The following ARHGAP32 variants were observed in gnomAD, a reference collection of about 807,000 sequenced individuals.
ARHGAP32 encodes the protein rho GTPase-activating protein 32.
Under a neutral mutation model 186.5 loss-of-function variants are expected in ARHGAP32, and 51 were observed. That is an observed-to-expected ratio of 0.27 (90% CI 0.22 to 0.35). ARHGAP32 has a LOEUF of 0.35. ARHGAP32 is among the 10% of genes least tolerant of loss of function. The pLI is 1.00. For synonymous variants in ARHGAP32, 950 were observed against 964.3 expected (o/e 0.99, Z 0.27); for missense variants, 2,186 against 2,623.5 (o/e 0.83, Z 3.64).
In ARHGAP32 at chr11:128,971,048, C is replaced by T; in HGVS notation, c.4165G>A (p.Ala1389Thr). ...SGAAAAQCPM[A>T]TAVQPGLPEK... ...GGCAGGCCTGGCTGGACAGCTGTAG[C>T]CATGGGACACTGAGCAGCAGCAGCA... The change falls in exon 23 of 23, where the codon GCT (alanine) becomes ACT (threonine). Residue 1389 changes from alanine (A) to threonine (T), a missense_variant. Around this residue, in one of 5 missense-constraint regions of ARHGAP32, gnomAD observed 1,502 missense variants for 1,570.0 expected, o/e 0.96. Transcript: ENST00000682385. The T allele has an allele frequency of 6.2e-7, 1 of 1,614,062 alleles. No homozygotes were observed. Among genetic ancestry groups the T allele is most frequent in the East Asian group, 2.2e-5 (1 of 44,876 alleles).
chr11:129,170,174 AAT>A (rs918054535), intron 1 of ARHGAP32, among the ~76,000 whole-genome samples: 8 of 151,380 alleles, frequency 5.3e-5, no homozygotes, highest in African/African-American at 1.9e-4. Flanking sequence ...ATTAAAGGGA[AAT>A]ATATATATAT....
At chr11:129,257,127 C>G (rs1591723096) in intron 1 of ARHGAP32, among the ~76,000 whole-genome samples, 1 of 152,060 alleles carries the variant, frequency 6.6e-6, no homozygotes, top group Non-Finnish European at 1.5e-5. Flanking sequence ...TTGTGTTTTG[C>G]TTCTAACAAA....
At chr11:129,223,362 T>G (rs563507880) in intron 1 of ARHGAP32, among the ~76,000 whole-genome samples, 1 of 146,272 alleles carries the variant, frequency 6.8e-6, no homozygotes, top group South Asian at 2.2e-4. Flanking sequence ...ACCAGTGGAA[T>G]TGAAGAGTGC....
chr11:129,235,994 C>T (rs1944927069), intron 1 of ARHGAP32, among the ~76,000 whole-genome samples: 1 of 151,700 alleles, frequency 6.6e-6, no homozygotes, highest in Non-Finnish European at 1.5e-5. Flanking sequence ...GGGCCAGTTC[C>T]ATATTTTTGC....
chr11:129,141,914 C>T (rs955640901), intron 2 of ARHGAP32, among the ~76,000 whole-genome samples: 1 of 151,912 alleles, frequency 6.6e-6, no homozygotes. Context: ...TCCTCCTCTG[C>T]GTATTACTTA....
Position 129,207,998 on chromosome 11 carries a change from G to C in ARHGAP32, c.-4-43571C>G, listed in dbSNP as rs550905991. Among the ~76,000 whole-genome samples, 67 of 152,194 alleles carry C rather than the reference G, an allele frequency of 4.4e-4. 1 individual carries two copies. The highest frequency in any genetic ancestry group is 3.4e-3 in the Middle Eastern group (1 of 294). On this transcript the variant is annotated intron_variant, in intron 1 of 6. Transcript: ENST00000525234. ...GTCCTCCCACACAATCCACTAAGAA[G>C]AAGGGCATTACCTGCACACAACTGA... is the stretch of plus-strand genomic sequence containing the variant.
At chr11:129,262,017 G>A (rs372778113) in intron 1 of ARHGAP32, among the ~76,000 whole-genome samples, 2 of 152,138 alleles carry the variant, frequency 1.3e-5, no homozygotes, top group East Asian at 3.9e-4. Context: ...ATATACACAG[G>A]GAAATAATGT....
At chr11:129,003,454 T>C (rs1295749217) in intron 11 of ARHGAP32, among the ~76,000 whole-genome samples, 1 of 152,220 alleles carries the variant, frequency 6.6e-6, no homozygotes, top group East Asian at 1.9e-4. Context: ...GTACAATTGG[T>C]ACTTGTTCTT....
intron 1 of ARHGAP32, among the ~76,000 whole-genome samples, chr11:129,182,891 T>G (rs1393918653): frequency 1.3e-5 from 2 of 151,990 alleles, no homozygotes; most frequent in Non-Finnish European, 2.9e-5. Flanking sequence ...CAAGGGATCC[T>G]GCCACTTTAG....
intron 6 of ARHGAP32, among the ~76,000 whole-genome samples, chr11:129,089,691 A>G (rs1002860994): frequency 6.6e-6 from 1 of 152,222 alleles, no homozygotes; most frequent in African/African-American, 2.4e-5. Context: ...AAGAGTTTCA[A>G]CCACGATACT....
intron 1 of ARHGAP32, among the ~76,000 whole-genome samples, chr11:129,267,106 A>G (rs553017677): frequency 6.6e-6 from 1 of 152,322 alleles, no homozygotes; most frequent in South Asian, 2.1e-4. Flanking sequence ...TTCTAAAAAC[A>G]AACTCAGAGT....
At position 129,144,763 on chromosome 11, in the gene ARHGAP32, A is replaced by G. The variant is rs183212576; in HGVS notation, c.225+19556T>C. On this transcript the variant is annotated intron_variant, in intron 2 of 22. Coordinates refer to ENST00000682385, the MANE Select transcript of ARHGAP32 (RefSeq NM_001378024.1). ...CAGGATGAGAAGACTGAAGGAAAAA[A>G]CATGATTTCTGAAAGTGATTATAAA... Among the ~76,000 whole-genome samples the G allele has an allele frequency of 1.7e-3, 263 of 152,330 alleles. 3 individuals are homozygous for G. The highest frequency in any genetic ancestry group is 3.4e-3 in the Middle Eastern group (1 of 294).
At chr11:129,107,399 T>A (rs764702966) in intron 5 of ARHGAP32, among the ~76,000 whole-genome samples, 11 of 152,154 alleles carry the variant, frequency 7.2e-5, no homozygotes, top group Non-Finnish European at 1.5e-4. Flanking sequence ...CCAGTTAAGG[T>A]TAATACATGG....
intron 11 of ARHGAP32, among the ~76,000 whole-genome samples, chr11:129,004,138 T>C (rs545892931): frequency 2.0e-5 from 3 of 152,150 alleles, no homozygotes; most frequent in African/African-American, 4.8e-5. Flanking sequence ...TTCAGGAGTA[T>C]ATTATTTAAT....
At chr11:129,256,010 G>C (rs1945249593) in intron 1 of ARHGAP32, among the ~76,000 whole-genome samples, 1 of 152,096 alleles carries the variant, frequency 6.6e-6, no homozygotes, top group African/African-American at 2.4e-5. Context: ...ACAGCAATGA[G>C]AATGTATATA....
At position 128,970,280 on chromosome 11, in the gene ARHGAP32, C is replaced by G. The variant is rs1157322190; in HGVS notation, c.4933G>C (p.Asp1645His). The change falls in exon 23 of 23, where the codon GAT becomes CAT. Residue 1645 changes from aspartate (D) to histidine (H), a missense_variant. Asp to His is a moderately conservative substitution (Grantham distance 81, BLOSUM62 -1). Transcript: ENST00000682385. This position sits in a 1 kb window ranked among gnomAD's most constrained non-coding sequence, Gnocchi z 5.8. ...KPYQSSQARS[D>H]YHVTQLQPYF... is the part of the protein sequence containing the mutation. ...GGCTGAAGCTGAGTGACATGATAAT[C>G]TGAGCGGGCCTGGGAGGACTGATAT... 6.2e-7 allele frequency: 1 copy of G among 1,614,158 alleles called. No individual in the cohort carries two copies. Among genetic ancestry groups the G allele is most frequent in the Admixed American group, 1.7e-5 (1 of 60,016 alleles).
In ARHGAP32 at chr11:129,123,890, GTGA is replaced by G; in HGVS notation, c.354_356del (p.His119del). 7.7e-7 allele frequency: 1 copy of G among 1,296,076 alleles called. No homozygotes were observed. Among genetic ancestry groups the G allele is most frequent in the Non-Finnish European group, 1.0e-6 (1 of 993,324 alleles). The allele number at this position is 1,296,076 out of a possible 1,614,324, so 80.3% of individuals were successfully genotyped here. ...CAAAGTAGAAAACCAGATTTTACCT[GTGA>G]ATGTTGTCACAGCCCATCAGTCCTG... On this transcript the variant is annotated inframe_deletion, in exon 4 of 23. Transcript: ENST00000682385. The surrounding 1 kb of genome is among the most constrained non-coding windows in gnomAD (Gnocchi z 4.6).
chr11:129,095,200 G>A (rs1457831598), intron 5 of ARHGAP32, among the ~76,000 whole-genome samples: 1 of 152,176 alleles, frequency 6.6e-6, no homozygotes, highest in Non-Finnish European at 1.5e-5. Context: ...ACATGAACTA[G>A]TTTTCAGAAA....
Position 128,974,446 on chromosome 11 carries a change from A to G in ARHGAP32, c.2751T>C (p.Pro917=), listed in dbSNP as rs747384001. 1.7e-5 allele frequency: 28 copies of G among 1,614,066 alleles called. No individual in the cohort carries two copies. The East Asian group carries it at 6.0e-4, about 35-fold the overall frequency. The change falls in exon 21 of 23, where the codon CCT becomes CCC. Residue 917 remains proline, a synonymous_variant. Coordinates refer to ENST00000682385, the MANE Select transcript of ARHGAP32 (RefSeq NM_001378024.1). The part of the protein sequence containing the change: ...PKIGRKLSKS[P]SMSISEPISV... ...AAATTGGCTCAGATATGCTCATAGA[A>G]GGTGATTTGCTTAATTTCCGTCCTA...
Sources: gnomAD v4.1 joint callset for allele counts (sites outside exome capture counted in the v4.1 genomes callset) on GRCh38, gnomAD v4.1.1 for gene constraint, gnomAD v4.1.1 regional missense constraint, Gnocchi (gnomAD v3.1) non-coding constraint, MANE v1.5 for transcripts, NCBI Gene and HGNC (gene_info 2026-07-23, HGNC 2026-07-21) for gene names.